The following PDGFRL variants were observed in gnomAD, a reference collection of about 807,000 sequenced individuals.
PDGFRL encodes platelet derived growth factor receptor like.
A neutral mutation model predicts 37.2 loss-of-function variants in PDGFRL; 46 were observed. The ratio of observed to expected loss-of-function variants is 1.24; its 90% CI spans 0.98 to 1.58. PDGFRL has a LOEUF of 1.58. Ranked by LOEUF, PDGFRL falls within the 40% of genes most tolerant of loss-of-function variation. The pLI, the probability that PDGFRL is intolerant of heterozygous loss-of-function variation, is 0.00. For missense variants in PDGFRL, 692 were observed against 467.6 expected, an observed-to-expected ratio of 1.48 and a Z score of -4.43; for synonymous variants, 251 against 184.3, an observed-to-expected ratio of 1.36 and a Z score of -2.93.
intron 2 of PDGFRL, among the ~76,000 whole-genome samples, chr8:17,611,204 C>G (rs1445319369): frequency 6.6e-6 from 1 of 152,200 alleles, no homozygotes; most frequent in East Asian, 1.9e-4. Flanking sequence ...GACATCCAAC[C>G]AGATGATCTT....
At chr8:17,615,928 G>C (rs1385722525) in intron 2 of PDGFRL, among the ~76,000 whole-genome samples, 1 of 152,118 alleles carries the variant, frequency 6.6e-6, no homozygotes, top group Admixed American at 6.5e-5. Flanking sequence ...TAAACAAGAT[G>C]TATTGAGCAC....
At chr8:17,588,808 A>G (rs1341045016) in intron 1 of PDGFRL, among the ~76,000 whole-genome samples, 1 of 152,198 alleles carries the variant, frequency 6.6e-6, no homozygotes, top group Non-Finnish European at 1.5e-5. Flanking sequence ...CAAAGTAAAC[A>G]AACAGCCTTG....
intron 1 of PDGFRL, among the ~76,000 whole-genome samples, chr8:17,587,500 G>A (rs1158184019): frequency 6.6e-6 from 1 of 152,024 alleles, no homozygotes; most frequent in African/African-American, 2.4e-5. Flanking sequence ...AGTATTTATG[G>A]GGCACAGATT....
At chr8:17,579,773 A>C (rs923115850) in intron 1 of PDGFRL, among the ~76,000 whole-genome samples, 91 of 151,976 alleles carry the variant, frequency 6.0e-4, no homozygotes, top group African/African-American at 1.8e-3. Context: ...GCTCCCAATG[A>C]CAAAATGCTT....
intron 1 of PDGFRL, among the ~76,000 whole-genome samples, chr8:17,586,013 G>A (rs1241761056): frequency 5.3e-5 from 8 of 152,066 alleles, no homozygotes; most frequent in Admixed American, 4.6e-4. Context: ...GTGCAGTGGT[G>A]CGATCTCAGC....
At chr8:17,610,973 T>C (rs7825094) in intron 2 of PDGFRL, among the ~76,000 whole-genome samples, 26,847 of 152,222 alleles carry the variant, frequency 0.18, 2,500 homozygotes, top group South Asian at 0.33. Context: ...ACATGGTGAG[T>C]GCCTATCTGG....
intron 2 of PDGFRL, among the ~76,000 whole-genome samples, chr8:17,611,959 A>G (rs1319869492): frequency 6.6e-6 from 1 of 152,112 alleles, no homozygotes; most frequent in Non-Finnish European, 1.5e-5. Flanking sequence ...AGTAAGAAGG[A>G]AGGCTTGCTA....
chr8:17,618,248 G>A (rs766596869), intron 2 of PDGFRL, among the ~76,000 whole-genome samples: 13 of 151,990 alleles, frequency 8.6e-5, no homozygotes, highest in Non-Finnish European at 1.5e-4. Flanking sequence ...TAGATATGGG[G>A]TTTTGCTATG....
At chr8:17,642,403 A>G (rs1805148433) in intron 5 of PDGFRL, among the ~76,000 whole-genome samples, 1 of 152,250 alleles carries the variant, frequency 6.6e-6, no homozygotes, top group African/African-American at 2.4e-5. Context: ...CAAACAACGT[A>G]ATGAAATTCA....
chr8:17,620,351 TAAAAC>T (rs957678062), intron 2 of PDGFRL, among the ~76,000 whole-genome samples: 26 of 152,354 alleles, frequency 1.7e-4, no homozygotes, highest in Admixed American at 5.9e-4. Flanking sequence ...CATATTTTCT[TAAAAC>T]AGAATATTTC....
chr8:17,634,734 C>G (rs1449536141), intron 5 of PDGFRL, among the ~76,000 whole-genome samples: 1 of 152,066 alleles, frequency 6.6e-6, no homozygotes, highest in African/African-American at 2.4e-5. Flanking sequence ...AACCAAATAC[C>G]TCATGTTCTC....
intron 1 of PDGFRL, among the ~76,000 whole-genome samples, chr8:17,581,879 G>C (rs1803715417): frequency 6.6e-6 from 1 of 152,076 alleles, no homozygotes; most frequent in Admixed American, 6.6e-5. Context: ...AACTAACACA[G>C]AAAATTGGTA....
At chr8:17,606,377 G>C (rs532696641) in intron 2 of PDGFRL, among the ~76,000 whole-genome samples, 6 of 152,202 alleles carry the variant, frequency 3.9e-5, no homozygotes, top group African/African-American at 1.4e-4. Flanking sequence ...AGATGAGGAG[G>C]CTCTCACTTT....
chr8:17,591,166 G>A (rs1803931218), intron 2 of PDGFRL, among the ~76,000 whole-genome samples: 2 of 152,146 alleles, frequency 1.3e-5, no homozygotes, highest in African/African-American at 4.8e-5. Context: ...ACAGGCGTGA[G>A]CCACCGCGCC....
At chr8:17,589,826 T>G (rs890008613) in intron 2 of PDGFRL, 61 bp downstream of exon 2, 2 of 954,864 alleles carry the variant, frequency 2.1e-6, no homozygotes, top group African/African-American at 3.3e-5. Context: ...ACAAAATTCC[T>G]TCTTAACTAT....
At chr8:17,640,596 TTAG>T (rs139621256) in intron 5 of PDGFRL, among the ~76,000 whole-genome samples, 71 of 152,270 alleles carry the variant, frequency 4.7e-4, no homozygotes, top group Non-Finnish European at 1.0e-3. Context: ...GGGCTGGTAC[TTAG>T]TGGTGCCTGT....
chr8:17,606,859 T>C (rs1804288477), intron 2 of PDGFRL, among the ~76,000 whole-genome samples: 1 of 151,030 alleles, frequency 6.6e-6, no homozygotes, highest in Non-Finnish European at 1.5e-5. Flanking sequence ...AGGTAAATCA[T>C]AAGAAACAGC....
At chr8:17,606,437 T>G (rs971374998) in intron 2 of PDGFRL, among the ~76,000 whole-genome samples, 1 of 152,186 alleles carries the variant, frequency 6.6e-6, no homozygotes, top group African/African-American at 2.4e-5. Context: ...TAATTTGCAG[T>G]GGCCAGTCAA....
intron 4 of PDGFRL, among the ~76,000 whole-genome samples, chr8:17,632,708 C>T (rs1411795468): frequency 6.6e-6 from 1 of 152,162 alleles, no homozygotes; most frequent in African/African-American, 2.4e-5. Flanking sequence ...TTTGCGTGGC[C>T]TGAATGGCCT....
Sources: allele counts gnomAD v4.1 joint callset (sites outside exome capture counted in the v4.1 genomes callset), GRCh38; gene constraint gnomAD v4.1.1; transcripts MANE v1.5; gene names NCBI Gene and HGNC (gene_info 2026-07-23, HGNC 2026-07-21).